Variants in COL25A1 observed in about 807,000 individuals in gnomAD.
COL25A1 encodes collagen type XXV alpha 1 chain, also known as collagen alpha-1(XXV) chain.
COL25A1 carries 103 observed loss-of-function variants against 128.4 expected under a neutral mutation model. The observed-to-expected ratio is 0.80, with a 90% CI of 0.68 to 0.94. COL25A1 has a LOEUF of 0.94. Among genes scored for constraint, COL25A1 ranks in the 40% least tolerant of loss-of-function variants. COL25A1 has a pLI of 0.00. For missense variants in COL25A1, 745 were observed against 840.0 expected (o/e 0.89, Z 1.40); for synonymous variants, 279 against 277.2 (o/e 1.01, Z -0.06).
intron 30 of COL25A1, 133 bp from the exon 31 acceptor site, chr4:108,841,854 A>G (rs1390008606): frequency 2.8e-6 from 2 of 719,360 alleles, no homozygotes; most frequent in Non-Finnish European, 4.7e-6. Flanking sequence ...GAGGCAGGCT[A>G]GTGGATGTTA....
intron 3 of COL25A1, among the ~76,000 whole-genome samples, chr4:109,269,158 C>T (rs1391296329): frequency 1.3e-5 from 2 of 149,106 alleles, no homozygotes; most frequent in African/African-American, 5.0e-5. Context: ...GTTCAATTCC[C>T]ACCTATGAGT....
intron 13 of COL25A1, among the ~76,000 whole-genome samples, chr4:108,906,302 G>A (rs1743521042): frequency 6.6e-6 from 1 of 152,048 alleles, no homozygotes; most frequent in African/African-American, 2.4e-5. Flanking sequence ...TTGCACCTAG[G>A]CGTTCTCTAA....
chr4:108,885,520 C>A (rs1272440792), intron 18 of COL25A1, among the ~76,000 whole-genome samples: 8 of 152,172 alleles, frequency 5.3e-5, no homozygotes, highest in Non-Finnish European at 1.2e-4. Flanking sequence ...GGCTGATTAT[C>A]AAGAACTTGT....
rs146240901 is a variant in COL25A1, at chr4:109,260,286, C to T, written c.367+40297G>A. Among the ~76,000 whole-genome samples, 762 of 152,142 alleles carry T rather than the reference C, an allele frequency of 5.0e-3. 3 individuals carry two copies. The highest frequency in any genetic ancestry group is 0.02 in the Middle Eastern group (6 of 294). On this transcript the variant is annotated intron_variant, in intron 3 of 37. Transcript: ENST00000399132. ...TGAGTCCTTAATTTGGAGAGAGCTA[C>T]ATAGAAAAGTAACAGGGAAAACACT...
chr4:109,103,277 T>C (rs1314900880), intron 3 of COL25A1, among the ~76,000 whole-genome samples: 1 of 152,210 alleles, frequency 6.6e-6, no homozygotes, highest in Non-Finnish European at 1.5e-5. Context: ...ATTATATTTT[T>C]AAAATAATAA....
chr4:109,292,181 T>G (rs924924663), intron 3 of COL25A1, among the ~76,000 whole-genome samples: 3 of 149,770 alleles, frequency 2.0e-5, no homozygotes, highest in Non-Finnish European at 4.4e-5. Context: ...GGCTATTGGC[T>G]TCTGCCTGCT....
At chr4:109,258,794 G>A (rs1781247121) in intron 3 of COL25A1, among the ~76,000 whole-genome samples, 1 of 151,986 alleles carries the variant, frequency 6.6e-6, no homozygotes, top group Non-Finnish European at 1.5e-5. Context: ...ATAACTCCAA[G>A]CATTTGTTCT....
At chr4:108,993,868 A>AAAG in intron 6 of COL25A1, among the ~76,000 whole-genome samples, 1 of 151,862 alleles carries the variant, frequency 6.6e-6, no homozygotes, top group South Asian at 2.1e-4. Flanking sequence ...CTCAAAAAAA[A>AAAG]AAAAACAAGA....
intron 18 of COL25A1, among the ~76,000 whole-genome samples, chr4:108,887,512 A>G (rs1031023328): frequency 3.9e-5 from 6 of 152,174 alleles, no homozygotes; most frequent in Non-Finnish European, 7.3e-5. Context: ...AAAGGGTAGA[A>G]TCTGGCCTAA....
At chr4:109,126,937 C>G (rs1462957339) in intron 3 of COL25A1, among the ~76,000 whole-genome samples, 1 of 152,020 alleles carries the variant, frequency 6.6e-6, no homozygotes, top group East Asian at 1.9e-4. Context: ...AGAAACGTCT[C>G]TCTTTACTTC....
At chr4:108,847,500 G>C (rs1735251564) in intron 27 of COL25A1, among the ~76,000 whole-genome samples, 1 of 151,992 alleles carries the variant, frequency 6.6e-6, no homozygotes, top group African/African-American at 2.4e-5. Flanking sequence ...TGATTAATAA[G>C]ACCTGGATTA....
intron 19 of COL25A1, among the ~76,000 whole-genome samples, chr4:108,880,057 C>T (rs1430735906): frequency 6.6e-6 from 1 of 152,110 alleles, no homozygotes; most frequent in Non-Finnish European, 1.5e-5. Flanking sequence ...GATCCACCCG[C>T]CTTGGCCTCC....
rs547874075 is a variant in COL25A1 at position 109,137,984 on chromosome 4, A to ATATGTGTGTGTGTGTGTGTGTGTGTG, written c.368-87806_368-87805insCACACACACACACACACACACACATA. 1.9e-4 allele frequency among the ~76,000 whole-genome samples: 27 copies of ATATGTGTGTGTGTGTGTGTGTGTGTG among 142,592 alleles called. 1 individual carries two copies. Among genetic ancestry groups the ATATGTGTGTGTGTGTGTGTGTGTGTG allele is most frequent in the South Asian group, 2.4e-4 (1 of 4,154 alleles). The allele number at this position is 142,592 out of a possible 152,430, so 93.5% of individuals were successfully genotyped here. On this transcript the variant is annotated intron_variant, in intron 3 of 37. Transcript: ENST00000399132. ...AACAGAAATTTCATTTTATATATAT[A>ATATGTGTGTGTGTGTGTGTGTGTGTG]TGTGTGTGTGTGTGTGTGTGTGTGT...
intron 3 of COL25A1, among the ~76,000 whole-genome samples, chr4:109,261,211 T>C (rs1387544307): frequency 6.6e-6 from 1 of 152,142 alleles, no homozygotes; most frequent in East Asian, 1.9e-4. Context: ...TGTACTTAAT[T>C]GAAATCAGCT....
chr4:108,984,465 G>A (rs1488583239), intron 6 of COL25A1, among the ~76,000 whole-genome samples: 1 of 151,768 alleles, frequency 6.6e-6, no homozygotes, highest in Non-Finnish European at 1.5e-5. Context: ...GGAGGCTCCC[G>A]CCGCACAGGA....
At chr4:109,101,540 A>AGG (rs1765890447) in intron 3 of COL25A1, among the ~76,000 whole-genome samples, 1 of 152,176 alleles carries the variant, frequency 6.6e-6, no homozygotes, top group Non-Finnish European at 1.5e-5. Context: ...AATGTACAAA[A>AGG]TGTACGAAAG....
intron 3 of COL25A1, among the ~76,000 whole-genome samples, chr4:109,088,951 C>G (rs1426142875): frequency 6.6e-6 from 1 of 152,172 alleles, no homozygotes; most frequent in African/African-American, 2.4e-5. Context: ...CAACCACGTA[C>G]AGCAAAGAGA....
At position 109,254,505 on chromosome 4, in the gene COL25A1, A is replaced by ATATATATATATATATATATATATATG. The variant is rs1383703429; in HGVS notation, c.367+46077_367+46078insCATATATATATATATATATATATATA. Among the ~76,000 whole-genome samples the ATATATATATATATATATATATATATG allele has an allele frequency of 3.8e-4, 40 of 104,988 alleles. 2 individuals are homozygous for ATATATATATATATATATATATATATG. Among genetic ancestry groups the ATATATATATATATATATATATATATG allele is most frequent in the Non-Finnish European group, 4.8e-4 (25 of 51,868 alleles). The allele number at this position is 104,988 out of a possible 152,430, so 68.9% of individuals were successfully genotyped here. A position where few individuals can be genotyped will look rare whatever the true frequency, so the allele number is the denominator to read the frequency against. On this transcript the variant is annotated intron_variant, in intron 3 of 37. Coordinates refer to ENST00000399132, the MANE Select transcript of COL25A1 (RefSeq NM_198721.4). ...TATATATATATATATATATATATAT[A>ATATATATATATATATATATATATATG]TGTATGTGTGTATATACATATACAT...
chr4:108,991,142 G>A (rs976240555), intron 6 of COL25A1, among the ~76,000 whole-genome samples: 4 of 152,272 alleles, frequency 2.6e-5, no homozygotes, highest in Admixed American at 6.5e-5. Context: ...AGCTTCCACA[G>A]ATGCAAAACA....
Sources: allele counts gnomAD v4.1 joint callset (sites outside exome capture counted in the v4.1 genomes callset), GRCh38; gene constraint gnomAD v4.1.1; transcripts MANE v1.5; gene names NCBI Gene and HGNC (gene_info 2026-07-23, HGNC 2026-07-21).